Variants in COL22A1 observed in about 807,000 individuals in gnomAD.
COL22A1 encodes the protein collagen type XXII alpha 1 chain.
A neutral mutation model predicts 248.9 loss-of-function variants in COL22A1; 221 were observed. The ratio of observed to expected loss-of-function variants is 0.89; its 90% CI spans 0.80 to 0.99. The LOEUF is 0.99. Ranked by LOEUF, COL22A1 falls within the 50% of genes least tolerant of loss-of-function variation. The pLI is 0.00. For synonymous variants in COL22A1, 891 were observed against 793.4 expected (o/e 1.12, Z -2.07); for missense variants, 2,240 against 2,179.0 (o/e 1.03, Z -0.56).
chr8:138,743,954 G>C (rs1012950228), intron 22 of COL22A1, among the ~76,000 whole-genome samples: 1 of 152,294 alleles, frequency 6.6e-6, no homozygotes, highest in East Asian at 1.9e-4. Context: ...TTGTGCAACT[G>C]ATTCTAATAT....
chr8:138,710,644 T>G (rs988691815), intron 30 of COL22A1, among the ~76,000 whole-genome samples: 2 of 151,258 alleles, frequency 1.3e-5, no homozygotes, highest in Non-Finnish European at 2.9e-5. Flanking sequence ...ATGAAGAAAC[T>G]GAGGCATAAA....
At position 138,676,613 on chromosome 8, in the gene COL22A1, A is replaced by G. The variant is rs769558910; in HGVS notation, c.3095T>C (p.Ile1032Thr). The change falls in exon 41 of 65, where the codon ATC becomes ACC. Residue 1032 changes from isoleucine (I) to threonine (T), a missense_variant. By Grantham distance (89) the Ile-to-Thr change is moderately conservative. Transcript: ENST00000303045. ...ACCACGGCTGCCAGGAGAACCAGGG[A>G]TCCCAGGAGCTCCTCGATCCCCCTA... ...CVKGDRGAPG[I>T]PGSPGSRGDP... is the part of the protein sequence containing the mutation. The G allele has an allele frequency of 1.5e-5, 23 of 1,567,624 alleles. No homozygotes were observed. The Admixed American group carries it at 4.0e-4, about 27-fold the overall frequency.
At chr8:138,726,371 C>A (rs1433778179) in intron 23 of COL22A1, among the ~76,000 whole-genome samples, 4 of 151,856 alleles carry the variant, frequency 2.6e-5, no homozygotes, top group Non-Finnish European at 5.9e-5. Context: ...GGGGCTCTTG[C>A]CTGTAGTCCC....
chr8:138,594,508 T>A (rs1817361983), intron 62 of COL22A1, among the ~76,000 whole-genome samples: 1 of 152,150 alleles, frequency 6.6e-6, no homozygotes, highest in Non-Finnish European at 1.5e-5. Flanking sequence ...CAGGCTGGGA[T>A]CCCAGGACAG....
intron 59 of COL22A1, 120 bp from the exon 60 acceptor site, chr8:138,602,279 C>T (rs1818086241): frequency 9.2e-7 from 1 of 1,088,980 alleles, no homozygotes; most frequent in Non-Finnish European, 1.4e-6. Flanking sequence ...AAGATAAGGT[C>T]CCCCGAGGGC....
chr8:138,712,448 C>T, intron 30 of COL22A1, among the ~76,000 whole-genome samples: 1 of 152,156 alleles, frequency 6.6e-6, no homozygotes, highest in East Asian at 1.9e-4. Context: ...CCTGTCCATG[C>T]CTGTACCCCC....
At chr8:138,604,122 C>T (rs1818252570) in intron 59 of COL22A1, among the ~76,000 whole-genome samples, 1 of 152,088 alleles carries the variant, frequency 6.6e-6, no homozygotes, top group South Asian at 2.1e-4. Flanking sequence ...GAAAAGAGAG[C>T]CCTTGGAAAA....
rs535439090 is a variant in COL22A1, at chr8:138,656,108, A to G, written c.3286-164T>C. On this transcript the variant is annotated intron_variant, in intron 44 of 64. Coordinates refer to ENST00000303045, the MANE Select transcript of COL22A1 (RefSeq NM_152888.3). ...AGTGGATGTCCCAAGCCTGGGAGCC[A>G]CAGAAAGAACACTCCTCCAAGACAG... 1.9e-3 allele frequency among the ~76,000 whole-genome samples: 287 copies of G among 152,320 alleles called. 1 individual carries two copies. The highest frequency in any genetic ancestry group is 6.7e-3 in the African/African-American group (280 of 41,572).
chr8:138,605,856 G>C (rs1818377173), intron 58 of COL22A1, among the ~76,000 whole-genome samples: 1 of 152,178 alleles, frequency 6.6e-6, no homozygotes, highest in African/African-American at 2.4e-5. Context: ...ACAAGCTGGA[G>C]TGCAAACCTA....
intron 27 of COL22A1, among the ~76,000 whole-genome samples, 181 bp downstream of exon 27, chr8:138,720,558 C>G (rs1350870800): frequency 6.6e-6 from 1 of 152,072 alleles, no homozygotes; most frequent in Admixed American, 6.5e-5. Flanking sequence ...TTGTTGCCAG[C>G]CTCATGTTGT....
chr8:138,679,495 C>G, intron 40 of COL22A1, 122 bp downstream of exon 40: 1 of 824,698 alleles, frequency 1.2e-6, no homozygotes, highest in Non-Finnish European at 2.1e-6. Flanking sequence ...CATCCATGTT[C>G]TAAGCTTCCA....
At chr8:138,879,690 CAAAAAAA>C (rs372214665) in intron 2 of COL22A1, among the ~76,000 whole-genome samples, 4 of 99,044 alleles carry the variant, frequency 4.0e-5, no homozygotes, top group South Asian at 3.5e-4. Flanking sequence ...GACACTCTCT[CAAAAAAA>C]AAAAAAAAAA....
chr8:138,839,176 GAGA>G (rs986385340), intron 4 of COL22A1, among the ~76,000 whole-genome samples: 8 of 152,220 alleles, frequency 5.3e-5, no homozygotes, highest in African/African-American at 1.4e-4. Context: ...TGTGGAAGGA[GAGA>G]AGAAGAGAAT....
At chr8:138,724,028 G>A (rs1053537855) in intron 25 of COL22A1, among the ~76,000 whole-genome samples, 2 of 151,762 alleles carry the variant, frequency 1.3e-5, no homozygotes, top group African/African-American at 4.8e-5. Flanking sequence ...AGGTGGCCCA[G>A]GGGCCTCCCT....
chr8:138,763,146 G>C (rs1005977528), intron 16 of COL22A1, among the ~76,000 whole-genome samples: 2 of 152,164 alleles, frequency 1.3e-5, no homozygotes, highest in Admixed American at 6.5e-5. Context: ...CAGCACTTTG[G>C]GGGGCTGAGG....
intron 4 of COL22A1, among the ~76,000 whole-genome samples, chr8:138,837,148 C>T (rs1047663943): frequency 6.6e-6 from 1 of 152,184 alleles, no homozygotes; most frequent in Non-Finnish European, 1.5e-5. Flanking sequence ...CTCGGTCAAC[C>T]CCACTGTCCC....
intron 1 of COL22A1, among the ~76,000 whole-genome samples, chr8:138,890,793 G>T (rs1004242087): frequency 3.9e-5 from 6 of 151,946 alleles, no homozygotes; most frequent in Non-Finnish European, 8.8e-5. Flanking sequence ...CAGGCAGATT[G>T]CCTGAGCTCA....
At chr8:138,813,151 G>A in intron 7 of COL22A1, 132 bp from the exon 8 acceptor site, 2 of 670,606 alleles carry the variant, frequency 3.0e-6, no homozygotes, top group Non-Finnish European at 5.4e-6. Flanking sequence ...GTCCACCCCA[G>A]GATACCCCTA....
At chr8:138,891,835 C>T (rs144321091) in intron 1 of COL22A1, among the ~76,000 whole-genome samples, 144 of 152,252 alleles carry the variant, frequency 9.5e-4, no homozygotes, top group African/African-American at 3.2e-3. Context: ...AAGGAGAGGA[C>T]AAGAGCATTG....
Sources: gnomAD v4.1 joint callset for allele counts (sites outside exome capture counted in the v4.1 genomes callset) on GRCh38, gnomAD v4.1.1 for gene constraint, MANE v1.5 for transcripts, NCBI Gene and HGNC (gene_info 2026-07-23, HGNC 2026-07-21) for gene names.